R3HDML: variants seen among roughly 807,000 people sequenced by gnomAD.
R3HDML encodes the protein peptidase inhibitor R3HDML.
R3HDML carries 21 observed loss-of-function variants against 24.2 expected under a neutral mutation model. The observed-to-expected ratio is 0.87, with a 90% CI of 0.62 to 1.25. The LOEUF (loss-of-function observed/expected upper bound fraction) is 1.25, where lower values mean the gene tolerates loss of function less well. Ranked by LOEUF, R3HDML falls within the 50% of genes most tolerant of loss-of-function variation. The pLI is 0.00. For missense variants in R3HDML, 301 were observed against 340.3 expected, an observed-to-expected ratio of 0.88 and a Z score of 0.91; for synonymous variants, 133 against 131.5, an observed-to-expected ratio of 1.01 and a Z score of -0.08.
intron 2 of R3HDML, among the ~76,000 whole-genome samples, chr20:44,343,131 C>T (rs533305849): frequency 5.3e-5 from 8 of 152,246 alleles, no homozygotes; most frequent in South Asian, 2.1e-4. Context: ...ACCTCCTGCC[C>T]GGCCCTCTGT....
intron 4 of R3HDML, 79 bp downstream of exon 4, chr20:44,345,457 T>C: frequency 1.0e-6 from 1 of 955,176 alleles, no homozygotes; most frequent in Middle Eastern, 2.2e-4. Context: ...ATACGCTCCA[T>C]ATCCCTTCTT....
intron 4 of R3HDML, among the ~76,000 whole-genome samples, chr20:44,349,642 T>C (rs887509447): frequency 6.6e-6 from 1 of 152,156 alleles, no homozygotes; most frequent in African/African-American, 2.4e-5. Context: ...ATATTTCTGC[T>C]CAAAGGTGTG....
At chr20:44,349,643 C>T (rs2062802857) in intron 4 of R3HDML, among the ~76,000 whole-genome samples, 1 of 152,144 alleles carries the variant, frequency 6.6e-6, no homozygotes. Context: ...TATTTCTGCT[C>T]AAAGGTGTGT....
intron 4 of R3HDML, among the ~76,000 whole-genome samples, chr20:44,350,238 G>A (rs1227302268): frequency 6.6e-6 from 1 of 152,106 alleles, no homozygotes; most frequent in Non-Finnish European, 1.5e-5. Flanking sequence ...TACAGGTTGG[G>A]CACAGTGGCT....
In R3HDML at chr20:44,337,086, C is replaced by T. The variant is rs2062759140; in HGVS notation, c.-72C>T. 21 of 1,532,416 alleles carry T rather than the reference C, an allele frequency of 1.4e-5. No homozygotes were observed. The highest frequency in any genetic ancestry group is 3.8e-5 in the Admixed American group (2 of 53,298). The allele number at this position is 1,532,416 out of a possible 1,614,324, so 94.9% of individuals were successfully genotyped here. On this transcript the variant is annotated 5_prime_UTR_variant, in exon 1 of 5. Coordinates refer to ENST00000217043, the MANE Select transcript of R3HDML (RefSeq NM_178491.4). The surrounding 1 kb of genome is among the most constrained non-coding windows in gnomAD (Gnocchi z 4.7). ...GTTGGAGAACGCTCAGGGTCTGGTGCTCTCGTGCCTGCCCCTTCCAGGCAG... is the reference window on the plus strand; with the variant it reads ...GTTGGAGAACGCTCAGGGTCTGGTGTTCTCGTGCCTGCCCCTTCCAGGCAG...
intron 1 of R3HDML, among the ~76,000 whole-genome samples, chr20:44,338,082 A>T (rs1348595813): frequency 6.6e-6 from 1 of 152,010 alleles, no homozygotes; most frequent in African/African-American, 2.4e-5. Context: ...AGCCCCCAAG[A>T]AGTCAAAGGA....
At chr20:44,347,782 A>G (rs966614851) in intron 4 of R3HDML, 2 of 152,142 alleles carry the variant, frequency 1.3e-5, no homozygotes, top group African/African-American at 4.8e-5. Flanking sequence ...AATTCTTTCT[A>G]TTGTATTATT....
At chr20:44,350,315 A>G (rs933167653) in intron 4 of R3HDML, among the ~76,000 whole-genome samples, 1 of 151,842 alleles carries the variant, frequency 6.6e-6, no homozygotes, top group African/African-American at 2.4e-5. Context: ...GAAGTTTGAG[A>G]CCAGCCTGAG....
chr20:44,343,362 C>T lies in R3HDML; in HGVS notation c.381-15C>T, dbSNP rs374902245. ...TCCTCTCACCCAGCTTCTTCCGTGTCCCCCGCCTCCCCAGGTACCGGTCCG... is the reference window on the plus strand; with the variant it reads ...TCCTCTCACCCAGCTTCTTCCGTGTTCCCCGCCTCCCCAGGTACCGGTCCG... On this transcript the variant is annotated splice_polypyrimidine_tract_variant and intron_variant, in intron 2 of 4. Transcript: ENST00000217043. The T allele has an allele frequency of 4.4e-4, 711 of 1,606,456 alleles. 2 individuals carry two copies. The highest frequency in any genetic ancestry group is 2.5e-4 in the Non-Finnish European group (297 of 1,176,968).
chr20:44,341,409 C>G (rs534490006), intron 2 of R3HDML, 95 bp downstream of exon 2: 32 of 1,003,332 alleles, frequency 3.2e-5, no homozygotes, highest in Non-Finnish European at 3.8e-5. Flanking sequence ...CACTGGGATA[C>G]AGTGGCGAGC....
In R3HDML at chr20:44,345,296, G is replaced by A. The variant is rs754421401; in HGVS notation, c.547G>A (p.Ala183Thr). The A allele has an allele frequency of 5.6e-6, 9 of 1,614,030 alleles. No individual in the cohort carries two copies. The highest frequency in any genetic ancestry group is 1.7e-5 in the Admixed American group (1 of 60,016). ...VWASSNRLGC[A>T]IHTCSSISVW... ...GGCATCCTCCAATCGGCTGGGCTGT[G>A]CCATCCACACCTGTAGTAGCATCAG... The change falls in exon 4 of 5, where the codon GCC becomes ACC. Residue 183 changes from alanine (A) to threonine (T), a missense_variant. Transcript: ENST00000217043.
chr20:44,347,671 GA>G (rs2062791885), intron 4 of R3HDML: 1 of 152,194 alleles, frequency 6.6e-6, no homozygotes, highest in Admixed American at 6.5e-5. Context: ...TACAAATTAA[GA>G]AATTGAGGCT....
intron 2 of R3HDML, 141 bp from the exon 3 acceptor site, chr20:44,343,236 C>A: frequency 1.0e-6 from 1 of 1,004,264 alleles, no homozygotes; most frequent in Non-Finnish European, 1.5e-6. Flanking sequence ...TGAGGCAGGG[C>A]CACTGCCCTC....
chr20:44,348,861 T>G (rs994354488), intron 4 of R3HDML, among the ~76,000 whole-genome samples: 2 of 151,998 alleles, frequency 1.3e-5, no homozygotes, highest in African/African-American at 4.8e-5. Context: ...GATTAAAATA[T>G]AATGTGAGGC....
Position 44,337,109 on chromosome 20 carries a change from C to A in R3HDML, c.-49C>A. On this transcript the variant is annotated 5_prime_UTR_variant, in exon 1 of 5. Transcript: ENST00000217043. This position sits in a 1 kb window ranked among gnomAD's most constrained non-coding sequence, Gnocchi z 4.7. ...TGCTCTCGTGCCTGCCCCTTCCAGGCAGCCGGCTCTGATTGCACAAGGCAG... is the reference window on the plus strand; with the variant it reads ...TGCTCTCGTGCCTGCCCCTTCCAGGAAGCCGGCTCTGATTGCACAAGGCAG... 1.3e-6 allele frequency: 2 copies of A among 1,568,690 alleles called. No individual in the cohort carries two copies. The highest frequency in any genetic ancestry group is 1.7e-6 in the Non-Finnish European group (2 of 1,153,812).
Position 44,337,752 on chromosome 20 carries a change from C to A in R3HDML, c.261+334C>A, listed in dbSNP as rs2062761718. 9.2e-6 allele frequency among the ~76,000 whole-genome samples: 1 copy of A among 109,042 alleles called. No homozygotes were observed. Among genetic ancestry groups the A allele is most frequent in the African/African-American group, 3.8e-5 (1 of 26,382 alleles). 71.5% of individuals were successfully genotyped at this position (109,042 alleles called of 152,430 possible). A position where few individuals can be genotyped will look rare whatever the true frequency, so the allele number is the denominator to read the frequency against. ...AGACTCAGAGAATTAATTTGCCCAGCCAGGATTTCAATCCAGGTCTGCCTG... is the reference window on the plus strand; with the variant it reads ...AGACTCAGAGAATTAATTTGCCCAGACAGGATTTCAATCCAGGTCTGCCTG... On this transcript the variant is annotated intron_variant, in intron 1 of 4. Transcript: ENST00000217043. The surrounding 1 kb of genome is among the most constrained non-coding windows in gnomAD (Gnocchi z 4.7).
intron 1 of R3HDML, among the ~76,000 whole-genome samples, chr20:44,339,062 TAA>T (rs750054379): frequency 2.9e-4 from 32 of 111,522 alleles, no homozygotes; most frequent in South Asian, 3.0e-4. Flanking sequence ...AAACTCTATC[TAA>T]AAAAAAAAAA....
intron 4 of R3HDML, among the ~76,000 whole-genome samples, chr20:44,346,502 G>T (rs1046377663): frequency 2.0e-5 from 3 of 152,242 alleles, no homozygotes; most frequent in African/African-American, 7.2e-5. Context: ...GCTGAAGTCA[G>T]TAGTGGAGAA....
intron 1 of R3HDML, among the ~76,000 whole-genome samples, chr20:44,338,468 G>C (rs1406144295): frequency 6.6e-6 from 1 of 152,134 alleles, no homozygotes; most frequent in East Asian, 1.9e-4. Flanking sequence ...GGAGGGGCGG[G>C]AATAAGAGCC....
Sources: gnomAD v4.1 joint callset for allele counts (sites outside exome capture counted in the v4.1 genomes callset) on GRCh38, gnomAD v4.1.1 for gene constraint, Gnocchi (gnomAD v3.1) non-coding constraint, MANE v1.5 for transcripts, NCBI Gene and HGNC (gene_info 2026-07-23, HGNC 2026-07-21) for gene names.